TBX21: variants seen among roughly 807,000 people sequenced by gnomAD.
TBX21 encodes the protein T-box transcription factor TBX21.
A neutral mutation model predicts 52.2 loss-of-function variants in TBX21; 11 were observed. The observed-to-expected ratio is 0.21, with a 90% CI of 0.13 to 0.35. The LOEUF (loss-of-function observed/expected upper bound fraction) is 0.35, where lower values mean the gene tolerates loss of function less well. Among genes scored for constraint, TBX21 ranks in the 10% least tolerant of loss-of-function variants. TBX21 has a pLI of 1.00. For missense variants in TBX21, 625 were observed against 755.1 expected (o/e 0.83, Z 2.02); for synonymous variants, 300 against 316.1 (o/e 0.95, Z 0.54).
chr17:47,743,687 C>T (rs1162335538), intron 3 of TBX21, among the ~76,000 whole-genome samples: 1 of 152,034 alleles, frequency 6.6e-6, no homozygotes, highest in Non-Finnish European at 1.5e-5. Context: ...CAAGACCAGC[C>T]TGGCCAAGAT....
chr17:47,745,449 A>C lies in TBX21; in HGVS notation c.*83A>C. ...AATTTGGGAAACGGATGAAGGACTG[A>C]GAAGGCCCCCGCTCCCTCTGGCCCT... On this transcript the variant is annotated 3_prime_UTR_variant, in exon 6 of 6. Coordinates refer to ENST00000177694, the MANE Select transcript of TBX21 (RefSeq NM_013351.2). 6.6e-7 allele frequency: 1 copy of C among 1,505,526 alleles called. No individual in the cohort carries two copies. Among genetic ancestry groups the C allele is most frequent in the South Asian group, 1.3e-5 (1 of 74,886 alleles). The allele number at this position is 1,505,526 out of a possible 1,614,324, so 93.3% of individuals were successfully genotyped here.
chr17:47,733,871 C>A lies in TBX21; in HGVS notation c.417C>A (p.Val139=). ...TGGAGGTGTCGGGGAAACTGAGGGT[C>A]GCGCTCAACAACCACCTGTTGTGGT... ...AGLEVSGKLR[V]ALNNHLLWSK... Residue 139 remains valine, a synonymous_variant, in exon 1 of 6, where the codon GTC becomes GTA. Transcript: ENST00000177694. This position sits in a 1 kb window ranked among gnomAD's most constrained non-coding sequence, Gnocchi z 6.6. 1 of 1,613,134 alleles carries A rather than the reference C, an allele frequency of 6.2e-7. No homozygotes were observed. The highest frequency in any genetic ancestry group is 8.5e-7 in the Non-Finnish European group (1 of 1,179,782).
chr17:47,738,583 A>G (rs1007416160), intron 1 of TBX21, among the ~76,000 whole-genome samples: 4 of 151,880 alleles, frequency 2.6e-5, no homozygotes, highest in African/African-American at 9.7e-5. Flanking sequence ...TCACAGCCTC[A>G]TCAGCAGTAG....
intron 1 of TBX21, among the ~76,000 whole-genome samples, chr17:47,738,571 T>A (rs1305105218): frequency 6.6e-6 from 1 of 151,962 alleles, no homozygotes; most frequent in Non-Finnish European, 1.5e-5. Flanking sequence ...GGACCCATTT[T>A]CTCACAGCCT....
In TBX21 at chr17:47,745,509, C is replaced by T; in HGVS notation, c.*143C>T. ...AGTAGTTGGTTGGGGAAGTGGGGCT[C>T]AAGAAGGATTTTGGGGTTCACCAGA... On this transcript the variant is annotated 3_prime_UTR_variant, in exon 6 of 6. Transcript: ENST00000177694. The T allele has an allele frequency of 1.6e-6, 2 of 1,237,670 alleles. No homozygotes were observed. Among genetic ancestry groups the T allele is most frequent in the Non-Finnish European group, 1.1e-6 (1 of 915,188 alleles). The allele number at this position is 1,237,670 out of a possible 1,614,324, so 76.7% of individuals were successfully genotyped here.
In TBX21 at chr17:47,745,447, T is replaced by C; in HGVS notation, c.*81T>C. 1 of 1,505,902 alleles carries C rather than the reference T, an allele frequency of 6.6e-7. No individual in the cohort carries two copies. Among genetic ancestry groups the C allele is most frequent in the Non-Finnish European group, 8.8e-7 (1 of 1,131,140 alleles). The allele number at this position is 1,505,902 out of a possible 1,614,324, so 93.3% of individuals were successfully genotyped here. A position where few individuals can be genotyped will look rare whatever the true frequency, so the allele number is the denominator to read the frequency against. On this transcript the variant is annotated 3_prime_UTR_variant, in exon 6 of 6. Coordinates refer to ENST00000177694, the MANE Select transcript of TBX21 (RefSeq NM_013351.2). ...CTAATTTGGGAAACGGATGAAGGAC[T>C]GAGAAGGCCCCCGCTCCCTCTGGCC...
At position 47,744,784 on chromosome 17, in the gene TBX21, G is replaced by A. The variant is rs12721469; in HGVS notation, c.1026G>A (p.Pro342=). The change falls in exon 6 of 6, where the codon CCG becomes CCA. Residue 342 remains proline (P), a synonymous_variant. Transcript: ENST00000177694. The stretch of plus-strand genomic sequence containing the variant: ...CTGTTGACACCAGCATCCCCTCCCC[G>A]CCTGGACCCAACTGTCAATTCCTTG... ...YTSVDTSIPS[P]PGPNCQFLGG... is the part of the protein sequence containing the mutation. 2.9e-5 allele frequency: 47 copies of A among 1,613,904 alleles called. No individual in the cohort carries two copies. In the East Asian group the frequency reaches 7.6e-4, roughly 26 times the overall value.
In TBX21 at chr17:47,742,923, C is replaced by G. The variant is rs1227208325; in HGVS notation, c.647-148C>G. 3 of 1,499,814 alleles carry G rather than the reference C, an allele frequency of 2.0e-6. No individual in the cohort carries two copies. The highest frequency in any genetic ancestry group is 2.7e-6 in the Non-Finnish European group (3 of 1,122,418). The allele number at this position is 1,499,814 out of a possible 1,614,324, so 92.9% of individuals were successfully genotyped here. On this transcript the variant is annotated intron_variant, in intron 2 of 5. Coordinates refer to ENST00000177694, the MANE Select transcript of TBX21 (RefSeq NM_013351.2). The surrounding 1 kb of genome is among the most constrained non-coding windows in gnomAD (Gnocchi z 4.4). ...CCTGTTTCTGGCTTCCTGCTTTGCT[C>G]TAGCCTGTCCTCTGCTGAGTCCTCT...
At chr17:47,743,879 CAAAAA>C (rs772309900) in intron 3 of TBX21, among the ~76,000 whole-genome samples, 1 of 62,128 alleles carries the variant, frequency 1.6e-5, no homozygotes. Flanking sequence ...GACTCCGTCT[CAAAAA>C]AAAAAAAAAA....
intron 1 of TBX21, among the ~76,000 whole-genome samples, chr17:47,739,809 C>A (rs2032248148): frequency 2.0e-5 from 3 of 146,858 alleles, no homozygotes; most frequent in African/African-American, 7.6e-5. Flanking sequence ...TGCCTGTAGT[C>A]AAGGAGAATC....
chr17:47,744,128 G>T, intron 3 of TBX21, 67 bp from the exon 4 acceptor site: 2 of 1,576,744 alleles, frequency 1.3e-6, no homozygotes, highest in South Asian at 1.2e-5. Context: ...GCCAGCTGTT[G>T]GTGGGGGTGA....
chr17:47,745,292 T>C lies in TBX21; in HGVS notation c.1534T>C (p.Ser512Pro). Reference protein sequence around the residue: ...VSPYPSSGDSSSPAGAPSPFD... With the variant: ...VSPYPSSGDSPSPAGAPSPFD... ...CCCCTATCCTTCCAGTGGTGACAGCTCCTCCCCTGCTGGGGCCCCTTCTCC... is the reference window on the plus strand; with the variant it reads ...CCCCTATCCTTCCAGTGGTGACAGCCCCTCCCCTGCTGGGGCCCCTTCTCC... Residue 512 changes from serine to proline, a missense_variant, in exon 6 of 6, where the codon TCC (serine) becomes CCC (proline). This residue lies in a region of TBX21 where 261 missense variants were observed against 275.1 expected (regional missense o/e 0.95). Transcript: ENST00000177694. 6.2e-7 allele frequency: 1 copy of C among 1,613,882 alleles called. No homozygotes were observed. The highest frequency in any genetic ancestry group is 8.5e-7 in the Non-Finnish European group (1 of 1,179,916).
Position 47,744,299 on chromosome 17 carries a change from C to T in TBX21, c.873C>T (p.Ile291=). The T allele has an allele frequency of 6.2e-7, 1 of 1,614,244 alleles. No individual in the cohort carries two copies. Among genetic ancestry groups the T allele is most frequent in the South Asian group, 1.1e-5 (1 of 91,090 alleles). ...CCTGCAACGCTTCCAACACGCATAT[C>T]TTTACTTTCCAAGAAACCCAGTTCA... The part of the protein sequence containing the change: ...EAACNASNTH[I]FTFQETQFIA... The change falls in exon 4 of 6, where the codon ATC becomes ATT. Residue 291 remains isoleucine (I), a synonymous_variant. Transcript: ENST00000177694.
rs1179822110 is a variant in TBX21 at position 47,733,792 on chromosome 17, C to T, written c.338C>T (p.Pro113Leu). 1.3e-6 allele frequency: 2 copies of T among 1,564,728 alleles called. No individual in the cohort carries two copies. The highest frequency in any genetic ancestry group is 1.7e-6 in the Non-Finnish European group (2 of 1,156,652). Residue 113 changes from proline to leucine, a missense_variant, in exon 1 of 6, where the codon CCG (proline) becomes CTG (leucine). By Grantham distance (98) the Pro-to-Leu change is moderately conservative. Around this residue, in one of 4 missense-constraint regions of TBX21, gnomAD observed 221 missense variants for 204.9 expected, o/e 1.08. Transcript: ENST00000177694. The surrounding 1 kb of genome is among the most constrained non-coding windows in gnomAD (Gnocchi z 6.6). ...QPGEGYAAPD[P>L]RAGLYPGPRE... is the part of the protein sequence containing the mutation. ...GGCGAGGGCTACGCCGCCCCGGACC[C>T]GCGCGCCGGGCTCTACCCGGGGCCG...
chr17:47,735,726 G>T (rs2032200361), intron 1 of TBX21, among the ~76,000 whole-genome samples: 1 of 152,334 alleles, frequency 6.6e-6, no homozygotes, highest in African/African-American at 2.4e-5. Flanking sequence ...TGTGCGTTAG[G>T]TAGGCCAAGC....
At chr17:47,743,879 CAAAAAA>C (rs772309900) in intron 3 of TBX21, among the ~76,000 whole-genome samples, 3 of 62,136 alleles carry the variant, frequency 4.8e-5, no homozygotes, top group African/African-American at 6.5e-5. Flanking sequence ...GACTCCGTCT[CAAAAAA>C]AAAAAAAAAA....
intron 1 of TBX21, among the ~76,000 whole-genome samples, chr17:47,739,588 G>A (rs967976411): frequency 1.3e-5 from 2 of 151,970 alleles, no homozygotes; most frequent in Non-Finnish European, 2.9e-5. Flanking sequence ...GTGAAACCCC[G>A]TCTCTACTAA....
chr17:47,744,790 A>T lies in TBX21; in HGVS notation c.1032A>T (p.Gly344=). ...ACACCAGCATCCCCTCCCCGCCTGG[A>T]CCCAACTGTCAATTCCTTGGGGGAG... ...SVDTSIPSPP[G]PNCQFLGGDH... is the part of the protein sequence containing the mutation. Residue 344 remains glycine (G), a synonymous_variant, in exon 6 of 6, where the codon GGA becomes GGT. Transcript: ENST00000177694. 1.2e-6 allele frequency: 2 copies of T among 1,613,992 alleles called. No homozygotes were observed. Among genetic ancestry groups the T allele is most frequent in the Non-Finnish European group, 1.7e-6 (2 of 1,179,978 alleles).
chr17:47,738,370 G>C (rs985733713), intron 1 of TBX21, among the ~76,000 whole-genome samples: 1 of 152,140 alleles, frequency 6.6e-6, no homozygotes, highest in African/African-American at 2.4e-5. Flanking sequence ...TGTTGCCCAG[G>C]CTGCAGCTTT....
Sources: allele counts gnomAD v4.1 joint callset (sites outside exome capture counted in the v4.1 genomes callset), GRCh38; gene constraint gnomAD v4.1.1; regional missense constraint gnomAD v4.1.1; non-coding constraint Gnocchi (gnomAD v3.1); transcripts MANE v1.5; gene names NCBI Gene and HGNC (gene_info 2026-07-23, HGNC 2026-07-21).